The following ZFHX3 variants were observed in gnomAD, a reference collection of about 807,000 sequenced individuals.
ZFHX3 encodes zinc finger homeobox 3, also known as zinc finger homeobox protein 3.
A neutral mutation model predicts 279.1 loss-of-function variants in ZFHX3; 42 were observed. The ratio of observed to expected loss-of-function variants is 0.15; its 90% CI spans 0.12 to 0.19. The LOEUF is 0.19. Ranked by LOEUF, ZFHX3 falls within the 10% of genes least tolerant of loss-of-function variation. The probability of loss-of-function intolerance (pLI) is 1.00; values close to 1 mark genes in which losing one functional copy is unlikely to be tolerated. For missense variants in ZFHX3, 4,981 were observed against 4,754.0 expected (o/e 1.05, Z -1.40); for synonymous variants, 2,293 against 1,957.8 (o/e 1.17, Z -4.52).
chr16:73,878,750 C>T (rs970606410), intron 1 of ZFHX3, among the ~76,000 whole-genome samples: 1 of 151,502 alleles, frequency 6.6e-6, no homozygotes, highest in Non-Finnish European at 1.5e-5. Flanking sequence ...ATCAAGGAAG[C>T]TGCTCAGAAG....
At position 73,197,853 on chromosome 16, in the gene ZFHX3, C is replaced by T. The variant is rs555273352; in HGVS notation, c.-1103-54022G>A. ...TTTATTTCAGGTATAAAAGATGCTTCTTGTCAGTGTTCCAAATGTACTTGG... is the reference window on the plus strand; with the variant it reads ...TTTATTTCAGGTATAAAAGATGCTTTTTGTCAGTGTTCCAAATGTACTTGG... On this transcript the variant is annotated intron_variant, in intron 5 of 17. Transcript: ENST00000641206. Among the ~76,000 whole-genome samples the T allele has an allele frequency of 2.4e-4, 32 of 135,188 alleles. No individual in the cohort carries two copies. In the South Asian group the frequency reaches 2.7e-3, roughly 11 times the overall value. 88.7% of individuals were successfully genotyped at this position (135,188 alleles called of 152,430 possible).
intron 1 of ZFHX3, among the ~76,000 whole-genome samples, chr16:73,704,258 C>G (rs950636848): frequency 2.6e-5 from 4 of 152,084 alleles, no homozygotes; most frequent in Non-Finnish European, 4.4e-5. Flanking sequence ...GTGACTTTCT[C>G]CCTGCAACAG....
chr16:73,205,640 G>A (rs2011768327), intron 5 of ZFHX3, among the ~76,000 whole-genome samples: 1 of 151,974 alleles, frequency 6.6e-6, no homozygotes, highest in South Asian at 2.1e-4. Flanking sequence ...GTGGCTGTGA[G>A]TGTGTGTGTG....
chr16:73,119,065 TTGAAA>T (rs926900870), intron 7 of ZFHX3, among the ~76,000 whole-genome samples: 1 of 152,056 alleles, frequency 6.6e-6, no homozygotes, highest in African/African-American at 2.4e-5. Context: ...GGAATCCTAC[TTGAAA>T]TGACAGTGCA....
chr16:73,857,940 A>G (rs533573160), intron 1 of ZFHX3, among the ~76,000 whole-genome samples: 1 of 152,190 alleles, frequency 6.6e-6, no homozygotes, highest in Non-Finnish European at 1.5e-5. Flanking sequence ...AACCGAAGAT[A>G]CAAAAATTAG....
At chr16:73,424,398 CT>C (rs1394457458) in intron 3 of ZFHX3, among the ~76,000 whole-genome samples, 1 of 152,154 alleles carries the variant, frequency 6.6e-6, no homozygotes, top group Non-Finnish European at 1.5e-5. Flanking sequence ...CTTCCAGGGG[CT>C]TCTGGTAGCT....
At chr16:73,732,820 G>C (rs564089081) in intron 1 of ZFHX3, among the ~76,000 whole-genome samples, 1 of 152,278 alleles carries the variant, frequency 6.6e-6, no homozygotes, top group Non-Finnish European at 1.5e-5. Context: ...GTCTATGGTG[G>C]TGGTGAGAGA....
chr16:73,155,874 CAT>C (rs543185600), intron 5 of ZFHX3, among the ~76,000 whole-genome samples: 373 of 151,880 alleles, frequency 2.5e-3, no homozygotes, highest in African/African-American at 8.2e-3. Context: ...ATATATGACA[CAT>C]GTCATTATAT....
intron 3 of ZFHX3, among the ~76,000 whole-genome samples, chr16:72,914,685 T>C (rs1296308094): frequency 6.6e-6 from 1 of 152,160 alleles, no homozygotes; most frequent in African/African-American, 2.4e-5. Flanking sequence ...TGCTGCATTC[T>C]TACCCAAAAG....
At chr16:73,265,078 C>CGTGTGTGTGTGT (rs72075949) in intron 4 of ZFHX3, among the ~76,000 whole-genome samples, 3,226 of 145,950 alleles carry the variant, frequency 0.022, 51 homozygotes, top group Non-Finnish European at 0.032. Flanking sequence ...CGCATATATG[C>CGTGTGTGTGTGT]GTGTGTGTGT....
At chr16:73,873,649 T>C (rs2029876867) in intron 1 of ZFHX3, among the ~76,000 whole-genome samples, 1 of 152,202 alleles carries the variant, frequency 6.6e-6, no homozygotes, top group African/African-American at 2.4e-5. Context: ...ATCATAAGCC[T>C]ACAAACCTAA....
exon 8 of ZFHX3, chr16:73,093,421 C>A (rs1197172829): frequency 8.5e-6 from 4 of 471,978 alleles, no homozygotes; most frequent in Non-Finnish European, 1.7e-5. Context: ...TCACTTTGGT[C>A]CGTTTGAGGG....
chr16:73,574,653 G>T (rs984042327), intron 2 of ZFHX3, among the ~76,000 whole-genome samples: 1 of 152,152 alleles, frequency 6.6e-6, no homozygotes, highest in Non-Finnish European at 1.5e-5. Context: ...TTTTCCTCCT[G>T]TCATCCCTCT....
chr16:73,688,069 T>A (rs1198463486), intron 1 of ZFHX3, among the ~76,000 whole-genome samples: 1 of 151,678 alleles, frequency 6.6e-6, no homozygotes, highest in Non-Finnish European at 1.5e-5. Context: ...AAAATTCACA[T>A]CTTGAGCCTG....
At chr16:73,666,465 G>A (rs949051442) in intron 2 of ZFHX3, among the ~76,000 whole-genome samples, 3 of 151,844 alleles carry the variant, frequency 2.0e-5, no homozygotes, top group Non-Finnish European at 2.9e-5. Flanking sequence ...AAGATTCCTT[G>A]AAGGGATGAT....
At chr16:73,439,929 A>AAC (rs2018059736) in intron 3 of ZFHX3, among the ~76,000 whole-genome samples, 1 of 144,688 alleles carries the variant, frequency 6.9e-6, no homozygotes, top group Non-Finnish European at 1.5e-5. Context: ...AAAAAAAAAA[A>AAC]AAACACAAAA....
intron 4 of ZFHX3, among the ~76,000 whole-genome samples, chr16:72,856,109 C>T (rs1293488227): frequency 6.6e-6 from 1 of 152,176 alleles, no homozygotes; most frequent in Non-Finnish European, 1.5e-5. Flanking sequence ...TCACCAGCGC[C>T]TTGGGGTTAG....
chr16:73,409,907 GAAC>G (rs994756234), intron 3 of ZFHX3, among the ~76,000 whole-genome samples: 3 of 141,228 alleles, frequency 2.1e-5, no homozygotes, highest in African/African-American at 7.9e-5. Flanking sequence ...AGCTAAAAAT[GAAC>G]AACAATTGAA....
intron 1 of ZFHX3, among the ~76,000 whole-genome samples, chr16:73,025,954 C>T (rs1441539822): frequency 6.6e-6 from 1 of 152,164 alleles, no homozygotes; most frequent in East Asian, 1.9e-4. Flanking sequence ...AGGATTGAGA[C>T]AAGTTATGTG....
Sources: gnomAD v4.1 joint callset for allele counts (sites outside exome capture counted in the v4.1 genomes callset) on GRCh38, gnomAD v4.1.1 for gene constraint, MANE v1.5 for transcripts, NCBI Gene and HGNC (gene_info 2026-07-23, HGNC 2026-07-21) for gene names.